ARHGAP45: variants seen among roughly 807,000 people sequenced by gnomAD.
The protein encoded by ARHGAP45 is rho GTPase-activating protein 45.
A neutral mutation model predicts 116.1 loss-of-function variants in ARHGAP45; 56 were observed. The observed-to-expected ratio is 0.48, with a 90% confidence interval of 0.39 to 0.60. The LOEUF (loss-of-function observed/expected upper bound fraction) is 0.60. Ranked by LOEUF, ARHGAP45 falls within the 20% of genes least tolerant of loss-of-function variation. The pLI is 0.00. For missense variants in ARHGAP45, 1,622 were observed against 1,601.0 expected (o/e 1.01, Z -0.22); for synonymous variants, 866 against 701.7 (o/e 1.23, Z -3.70).
At position 1,069,191 on chromosome 19, in the gene ARHGAP45, T is replaced by G. The variant is rs762709060; in HGVS notation, c.421+447T>G. Among the ~76,000 whole-genome samples, 5 of 151,256 alleles carry G rather than the reference T, an allele frequency of 3.3e-5. No individual in the cohort carries two copies. Among genetic ancestry groups the G allele is most frequent in the Non-Finnish European group, 7.4e-5 (5 of 67,784 alleles). ...ATCTGTGTCTTGGAATGAAGCAAAC[T>G]GGGGGTTGGCTGAGGTCTGGGTGGA... is the stretch of plus-strand genomic sequence containing the variant. On this transcript the variant is annotated intron_variant, in intron 2 of 22. Transcript: ENST00000313093. This position sits in a 1 kb window ranked among gnomAD's most constrained non-coding sequence, Gnocchi z 4.1.
chr19:1,072,939 C>T (rs1327910970), intron 2 of ARHGAP45, among the ~76,000 whole-genome samples: 1 of 152,144 alleles, frequency 6.6e-6, no homozygotes, highest in Non-Finnish European at 1.5e-5. Flanking sequence ...AGTGCCTAGG[C>T]CAACGTCTGG....
In ARHGAP45 at chr19:1,086,316, G is replaced by T. The variant is rs1418101838; in HGVS notation, c.*310G>T. On this transcript the variant is annotated 3_prime_UTR_variant, in exon 23 of 23. Coordinates refer to ENST00000313093, the MANE Select transcript of ARHGAP45 (RefSeq NM_012292.5). ...CAGGGCTGTGTGGATGGAGGAAGCT[G>T]TCCCTGCCCAGTGCATCCCCCAGGT... 3.2e-6 allele frequency: 1 copy of T among 317,448 alleles called. No individual in the cohort carries two copies. The highest frequency in any genetic ancestry group is 6.0e-6 in the Non-Finnish European group (1 of 168,046). The allele number at this position is 317,448 out of a possible 1,614,324, so 19.7% of individuals were successfully genotyped here. A position where few individuals can be genotyped will look rare whatever the true frequency, so the allele number is the denominator to read the frequency against.
rs1048416767 is a variant in ARHGAP45, at chr19:1,077,071, C to T, written c.1186-786C>T. On this transcript the variant is annotated intron_variant, in intron 10 of 22. Coordinates refer to ENST00000313093, the MANE Select transcript of ARHGAP45 (RefSeq NM_012292.5). ...TGAGTCCGTTTGTTTGTGTGCGAAT[C>T]TGATGGTGCAGGTTGTGAGGTGTGG... 3.0e-6 allele frequency: 3 copies of T among 985,176 alleles called. No individual in the cohort carries two copies. In the Admixed American group the frequency reaches 1.8e-4, roughly 61 times the overall value. The allele number at this position is 985,176 out of a possible 1,614,324, so 61.0% of individuals were successfully genotyped here.
rs1260183859 is a variant in ARHGAP45, at chr19:1,068,770, C to T, written c.421+26C>T. ...GTGAGAGCCACGGGGACACCGAGGCCTGGGTGGAAGACAGAGCCAGACCCA... is the reference window on the plus strand; with the variant it reads ...GTGAGAGCCACGGGGACACCGAGGCTTGGGTGGAAGACAGAGCCAGACCCA... On this transcript the variant is annotated intron_variant, in intron 2 of 22. Transcript: ENST00000313093. This position sits in a 1 kb window ranked among gnomAD's most constrained non-coding sequence, Gnocchi z 7.5. 1.3e-6 allele frequency: 2 copies of T among 1,599,488 alleles called. No individual in the cohort carries two copies. Among genetic ancestry groups the T allele is most frequent in the Non-Finnish European group, 8.6e-7 (1 of 1,169,348 alleles).
intron 11 of ARHGAP45, among the ~76,000 whole-genome samples, chr19:1,079,072 C>T (rs900781692): frequency 6.7e-6 from 1 of 150,110 alleles, no homozygotes; most frequent in Non-Finnish European, 1.5e-5. Flanking sequence ...CCCAGCTACT[C>T]GGGAGGCTGA....
chr19:1,074,376 C>T lies in ARHGAP45; in HGVS notation c.962C>T (p.Ala321Val). 1.3e-6 allele frequency: 2 copies of T among 1,599,840 alleles called. No individual in the cohort carries two copies. The highest frequency in any genetic ancestry group is 1.7e-6 in the Non-Finnish European group (2 of 1,173,084). The part of the protein sequence containing the change: ...MEFAKGLQKI[A>V]HNCRQSVMQE... ...TTTGCCAAGGGCCTGCAGAAGATCG[C>T]TCACAACTGCAGACAGAGCGTCATG... The change falls in exon 8 of 23, where the codon GCT (alanine) becomes GTT (valine). Residue 321 changes from alanine (A) to valine (V), a missense_variant. Transcript: ENST00000313093.
At position 1,067,174 on chromosome 19, in the gene ARHGAP45, A is replaced by G; in HGVS notation, c.-232A>G. 4 of 1,271,460 alleles carry G rather than the reference A, an allele frequency of 3.1e-6. No individual in the cohort carries two copies. Among genetic ancestry groups the G allele is most frequent in the Non-Finnish European group, 4.0e-6 (4 of 1,009,592 alleles). The allele number at this position is 1,271,460 out of a possible 1,614,324, so 78.8% of individuals were successfully genotyped here. ...GACCTCACCTTCGCGCCCACTCCGCAGAGCCGCAGGCTGAGGCCGGGAAGG... is the reference window on the plus strand; with the variant it reads ...GACCTCACCTTCGCGCCCACTCCGCGGAGCCGCAGGCTGAGGCCGGGAAGG... On this transcript the variant is annotated 5_prime_UTR_variant, in exon 1 of 23. Transcript: ENST00000313093.
In ARHGAP45 at chr19:1,086,114, T is replaced by G. The variant is rs772471038; in HGVS notation, c.*108T>G. 215 of 1,044,742 alleles carry G rather than the reference T, an allele frequency of 2.1e-4. 1 individual carries two copies. The highest frequency in any genetic ancestry group is 2.8e-4 in the Non-Finnish European group (202 of 724,462). The allele number at this position is 1,044,742 out of a possible 1,614,324, so 64.7% of individuals were successfully genotyped here. A position where few individuals can be genotyped will look rare whatever the true frequency, so the allele number is the denominator to read the frequency against. The stretch of plus-strand genomic sequence containing the variant: ...CTTAGGTGCGCCGTCCTGGGGTCGC[T>G]GCCGAGAGCGCCTGGACTTCGACGT... On this transcript the variant is annotated 3_prime_UTR_variant, in exon 23 of 23. Coordinates refer to ENST00000313093, the MANE Select transcript of ARHGAP45 (RefSeq NM_012292.5).
Position 1,083,037 on chromosome 19 carries a change from G to A in ARHGAP45, c.2715G>A (p.Ser905=). 2 of 1,545,522 alleles carry A rather than the reference G, an allele frequency of 1.3e-6. No homozygotes were observed. Among genetic ancestry groups the A allele is most frequent in the African/African-American group, 1.4e-5 (1 of 73,740 alleles). ...LRDLPPENRA[S]LQYLLRHLRR... is the part of the protein sequence containing the mutation. ...ACCTGCCGCCTGAGAACCGGGCCTC[G>A]CTGCAGTACCTGCTGCGTCACCTAC... The change falls in exon 20 of 23, where the codon TCG becomes TCA. Residue 905 remains serine, a synonymous_variant. Transcript: ENST00000313093.
Position 1,067,190 on chromosome 19 carries a change from G to A in ARHGAP45, c.-216G>A. On this transcript the variant is annotated 5_prime_UTR_variant, in exon 1 of 23. Transcript: ENST00000313093. ...CCACTCCGCAGAGCCGCAGGCTGAG[G>A]CCGGGAAGGGTCGGGGGCGAGGCCG... 7.5e-6 allele frequency: 10 copies of A among 1,327,136 alleles called. No individual in the cohort carries two copies. Among genetic ancestry groups the A allele is most frequent in the Non-Finnish European group, 8.6e-6 (9 of 1,043,432 alleles). 82.2% of individuals were successfully genotyped at this position (1,327,136 alleles called of 1,614,324 possible). A position where few individuals can be genotyped will look rare whatever the true frequency, so the allele number is the denominator to read the frequency against.
chr19:1,075,607 TTTTG>T lies in ARHGAP45; in HGVS notation c.1185+736_1185+739del, dbSNP rs1237336045. Among the ~76,000 whole-genome samples the T allele has an allele frequency of 1.3e-4, 20 of 151,824 alleles. No individual in the cohort carries two copies. The East Asian group carries it at 1.4e-3, about 10-fold the overall frequency. On this transcript the variant is annotated intron_variant, in intron 10 of 22. Transcript: ENST00000313093. ...GGTTATTTCAAAGACGCCGGCGCCT[TTTTG>T]TTTGTTTCTTTGCTTGTTTTGAGAT...
Position 1,073,749 on chromosome 19 carries a change from G to C in ARHGAP45, c.723+3G>C. 1 of 1,583,946 alleles carries C rather than the reference G, an allele frequency of 6.3e-7. No individual in the cohort carries two copies. Among genetic ancestry groups the C allele is most frequent in the Non-Finnish European group, 8.6e-7 (1 of 1,164,668 alleles). On this transcript the variant is annotated splice_donor_region_variant and intron_variant, in intron 5 of 22. Coordinates refer to ENST00000313093, the MANE Select transcript of ARHGAP45 (RefSeq NM_012292.5). ...TGCCTCCTGGGGACTCGAGCCAGGT[G>C]AGTGGGGTGGGCCAGGGCCACCTGT...
At position 1,082,856 on chromosome 19, in the gene ARHGAP45, T is replaced by C. The variant is rs753907813; in HGVS notation, c.2534T>C (p.Ile845Thr). 6.5e-7 allele frequency: 1 copy of C among 1,533,812 alleles called. No individual in the cohort carries two copies. Among genetic ancestry groups the C allele is most frequent in the Non-Finnish European group, 8.8e-7 (1 of 1,140,528 alleles). The part of the protein sequence containing the change: ...LYLRQLPEPL[I>T]SFRLYHELVG... ...TCTGCGCAGCTTCCCGAGCCGCTCA[T>C]CTCCTTCCGCCTCTACCACGAGCTC... is the stretch of plus-strand genomic sequence containing the variant. Residue 845 changes from isoleucine (I) to threonine (T), a missense_variant, in exon 20 of 23, where the codon ATC becomes ACC. Transcript: ENST00000313093.
rs569349008 is a variant in ARHGAP45 at position 1,070,827 on chromosome 19, AG to A, written c.421+2084del. Among the ~76,000 whole-genome samples, 48 of 152,216 alleles carry A rather than the reference AG, an allele frequency of 3.2e-4. 3 individuals carry two copies. In the Middle Eastern group the frequency reaches 0.01, roughly 32 times the overall value. On this transcript the variant is annotated intron_variant, in intron 2 of 22. Coordinates refer to ENST00000313093, the MANE Select transcript of ARHGAP45 (RefSeq NM_012292.5). ...TCTCGGGGCCGCCCCAGGCCAGAGA[AG>A]ACCCTGGCGGCTAGGATGTGGGCTC...
rs926137171 is a variant in ARHGAP45, at chr19:1,068,184, G to C, written c.91-230G>C. ...CGCGCCTCCCCGCAGGCCCCGCCCC[G>C]GCTGTGGTTTGGGCAAGGACCGTTG... On this transcript the variant is annotated intron_variant, in intron 1 of 22. Coordinates refer to ENST00000313093, the MANE Select transcript of ARHGAP45 (RefSeq NM_012292.5). The surrounding 1 kb of genome is among the most constrained non-coding windows in gnomAD (Gnocchi z 7.5). 1.3e-5 allele frequency: 6 copies of C among 466,208 alleles called. No homozygotes were observed. Among genetic ancestry groups the C allele is most frequent in the South Asian group, 3.1e-5 (1 of 32,512 alleles). The allele number at this position is 466,208 out of a possible 1,614,324, so 28.9% of individuals were successfully genotyped here.
chr19:1,082,026 G>A (rs1277241774), intron 19 of ARHGAP45, 65 bp downstream of exon 19: 33 of 1,563,338 alleles, frequency 2.1e-5, no homozygotes, highest in Non-Finnish European at 2.9e-5. Context: ...GAGGAGGCGG[G>A]GTGGGGGTCC....
Position 1,085,743 on chromosome 19 carries a change from G to A in ARHGAP45, c.3148G>A (p.Gly1050Ser). ...LLSSSEASAL[G>S]HLSFLEQQQS... ...GTCCTCATCGGAGGCCAGTGCCCTG[G>A]GCCACCTCAGCTTCCTGGAGCAGCA... Residue 1050 changes from glycine (G) to serine (S), a missense_variant, in exon 23 of 23, where the codon GGC becomes AGC. This residue lies in a region of ARHGAP45 where 1,334 missense variants were observed against 1,263.8 expected (regional missense o/e 1.06). Coordinates refer to ENST00000313093, the MANE Select transcript of ARHGAP45 (RefSeq NM_012292.5). 6.2e-7 allele frequency: 1 copy of A among 1,611,962 alleles called. No homozygotes were observed. Among genetic ancestry groups the A allele is most frequent in the Non-Finnish European group, 8.5e-7 (1 of 1,179,602 alleles).
chr19:1,078,429 C>T (rs1174825303), intron 11 of ARHGAP45, among the ~76,000 whole-genome samples: 14 of 148,888 alleles, frequency 9.4e-5, no homozygotes, highest in Admixed American at 4.7e-4. Context: ...AGGCATGAGC[C>T]ACTGCGCCCG....
chr19:1,066,075 C>G (rs573121867), upstream of ARHGAP45: 444 of 1,535,712 alleles, frequency 2.9e-4, 1 homozygote, highest in Admixed American at 3.9e-4. Flanking sequence ...TGGGTTTGCA[C>G]TTGGACCTGG....
Sources: allele counts gnomAD v4.1 joint callset (sites outside exome capture counted in the v4.1 genomes callset), GRCh38; gene constraint gnomAD v4.1.1; regional missense constraint gnomAD v4.1.1; non-coding constraint Gnocchi (gnomAD v3.1); transcripts MANE v1.5; gene names NCBI Gene and HGNC (gene_info 2026-07-23, HGNC 2026-07-21).